FRMD5: variants seen among roughly 807,000 people sequenced by gnomAD.
FRMD5 encodes the protein FERM domain containing 5, also known as FERM domain-containing protein 5.
In FRMD5, 20 loss-of-function variants were observed where a neutral mutation model predicts 69.0. That is an observed-to-expected ratio of 0.29 (90% CI 0.20 to 0.42). The LOEUF (loss-of-function observed/expected upper bound fraction) is 0.42, where lower values mean the gene tolerates loss of function less well. FRMD5 is among the 10% of genes least tolerant of loss of function. The probability of loss-of-function intolerance (pLI) is 1.00; values close to 1 mark genes in which losing one functional copy is unlikely to be tolerated. For synonymous variants in FRMD5, 271 were observed against 260.1 expected, an observed-to-expected ratio of 1.04 and a Z score of -0.40; for missense variants, 595 against 708.6, an observed-to-expected ratio of 0.84 and a Z score of 1.82.
At chr15:44,197,443 G>A (rs1020409525), upstream of FRMD5, among the ~76,000 whole-genome samples, 2 of 152,010 alleles carry the variant, frequency 1.3e-5, no homozygotes, top group South Asian at 2.1e-4. Flanking sequence ...CAGTACTTTA[G>A]GAGGCCGAGG....
At chr15:43,910,009 A>C (rs1186671817) in intron 4 of FRMD5, 30 bp from the exon 5 acceptor site, 2 of 1,294,352 alleles carry the variant, frequency 1.5e-6, no homozygotes, top group Admixed American at 3.5e-5. Flanking sequence ...TAAACTATAA[A>C]GGATTTCTTT....
At chr15:44,068,795 C>A (rs1893415211) in intron 1 of FRMD5, among the ~76,000 whole-genome samples, 1 of 152,122 alleles carries the variant, frequency 6.6e-6, no homozygotes, top group Non-Finnish European at 1.5e-5. Context: ...TTTAGATGAC[C>A]TGTATTTTGT....
chr15:43,942,917 G>GC (rs2089885524), intron 1 of FRMD5, among the ~76,000 whole-genome samples: 1 of 152,156 alleles, frequency 6.6e-6, no homozygotes, highest in African/African-American at 2.4e-5. Context: ...GTGCCACCAG[G>GC]CCCAGCTAAT....
intron 1 of FRMD5, among the ~76,000 whole-genome samples, chr15:43,947,670 G>A (rs79846491): frequency 0.043 from 6,570 of 152,166 alleles, 433 homozygotes; most frequent in African/African-American, 0.14. Context: ...AAGGCAGGGA[G>A]GAATGCCACA....
At chr15:44,100,402 T>C (rs577605073) in intron 1 of FRMD5, among the ~76,000 whole-genome samples, 21 of 152,194 alleles carry the variant, frequency 1.4e-4, no homozygotes, top group Admixed American at 1.1e-3. Flanking sequence ...ACTCTCCACA[T>C]TGTCACCTAG....
At chr15:44,034,034 G>T (rs1369729169) in intron 1 of FRMD5, among the ~76,000 whole-genome samples, 1 of 152,166 alleles carries the variant, frequency 6.6e-6, no homozygotes, top group Admixed American at 6.6e-5. Context: ...CTCTGATATT[G>T]GTCATCAGAA....
chr15:44,006,315 GA>G (rs967785440), intron 1 of FRMD5, among the ~76,000 whole-genome samples: 2 of 150,894 alleles, frequency 1.3e-5, no homozygotes, highest in Non-Finnish European at 3.0e-5. Flanking sequence ...TGCTCAAAAA[GA>G]AAAAAAAATC....
intron 1 of FRMD5, among the ~76,000 whole-genome samples, chr15:44,000,186 C>T (rs2140170743): frequency 6.6e-6 from 1 of 151,624 alleles, no homozygotes; most frequent in African/African-American, 2.4e-5. Flanking sequence ...CAGGGTCTTA[C>T]TATATTGCCC....
At chr15:44,086,920 C>T (rs913276956) in intron 1 of FRMD5, among the ~76,000 whole-genome samples, 2 of 152,064 alleles carry the variant, frequency 1.3e-5, no homozygotes, top group African/African-American at 2.4e-5. Flanking sequence ...AAAGGATTTC[C>T]ATTCACTGTA....
intron 1 of FRMD5, among the ~76,000 whole-genome samples, chr15:44,122,237 A>G (rs1333989756): frequency 6.6e-6 from 1 of 152,106 alleles, no homozygotes; most frequent in Non-Finnish European, 1.5e-5. Context: ...AATAAATTAA[A>G]AGTTATACGT....
At chr15:44,054,646 C>G (rs867817906) in intron 1 of FRMD5, among the ~76,000 whole-genome samples, 2 of 151,980 alleles carry the variant, frequency 1.3e-5, no homozygotes, top group Non-Finnish European at 2.9e-5. Flanking sequence ...ATTAATAATC[C>G]TCTAATTAGA....
At chr15:44,005,864 A>T (rs1025723107) in intron 1 of FRMD5, among the ~76,000 whole-genome samples, 3 of 152,318 alleles carry the variant, frequency 2.0e-5, no homozygotes, top group Admixed American at 1.3e-4. Flanking sequence ...GGGCAGGGAC[A>T]CACATTCAAA....
Position 43,873,242 on chromosome 15 carries a change from C to CAA in FRMD5, c.*641_*642dup, listed in dbSNP as rs1015174230. On this transcript the variant is annotated 3_prime_UTR_variant, in exon 14 of 14. Coordinates refer to ENST00000417257, the MANE Select transcript of FRMD5 (RefSeq NM_032892.5). The stretch of plus-strand genomic sequence containing the variant: ...CCCACTCTGCTCAGATTTGAAAAAA[C>CAA]AAAAGGAAAAGAAAATCCAACTCAG... 1 of 1,548,992 alleles carries CAA rather than the reference C, an allele frequency of 6.5e-7. No individual in the cohort carries two copies. The highest frequency in any genetic ancestry group is 2.0e-5 in the Admixed American group (1 of 50,548).
intron 13 of FRMD5, among the ~76,000 whole-genome samples, chr15:43,879,063 G>A (rs1303423205): frequency 6.6e-6 from 1 of 151,214 alleles, no homozygotes; most frequent in Non-Finnish European, 1.5e-5. Flanking sequence ...TCAGCCCTGC[G>A]AGTAGCTGGG....
intron 1 of FRMD5, among the ~76,000 whole-genome samples, chr15:44,163,285 A>G (rs997451407): frequency 4.6e-5 from 7 of 152,318 alleles, no homozygotes; most frequent in African/African-American, 1.7e-4. Flanking sequence ...TCCTTGTAAC[A>G]CTTCTTGATT....
intron 1 of FRMD5, among the ~76,000 whole-genome samples, chr15:44,185,529 C>T (rs2078084501): frequency 6.6e-6 from 1 of 152,094 alleles, no homozygotes; most frequent in African/African-American, 2.4e-5. Context: ...TGGTGGCTCA[C>T]ACTTGTAATC....
chr15:44,025,017 C>T (rs566004656), intron 1 of FRMD5, among the ~76,000 whole-genome samples: 1 of 152,234 alleles, frequency 6.6e-6, no homozygotes, highest in African/African-American at 2.4e-5. Flanking sequence ...ATGAATTTGG[C>T]CCACCTAGCT....
chr15:44,095,752 C>T (rs1385618050), intron 1 of FRMD5, among the ~76,000 whole-genome samples: 2 of 152,176 alleles, frequency 1.3e-5, no homozygotes, highest in Admixed American at 1.3e-4. Flanking sequence ...TGGAAACCCA[C>T]TAAGATAAAG....
chr15:44,046,279 T>C (rs1208366393), intron 1 of FRMD5, among the ~76,000 whole-genome samples: 1 of 151,584 alleles, frequency 6.6e-6, no homozygotes, highest in Non-Finnish European at 1.5e-5. Flanking sequence ...CAAGAGAAAA[T>C]AAAAAGGGGA....
Sources: gnomAD v4.1 joint callset for allele counts (sites outside exome capture counted in the v4.1 genomes callset) on GRCh38, gnomAD v4.1.1 for gene constraint, MANE v1.5 for transcripts, NCBI Gene and HGNC (gene_info 2026-07-23, HGNC 2026-07-21) for gene names.